The following CNTN5 variants were observed in gnomAD, a reference collection of about 807,000 sequenced individuals.
CNTN5 encodes contactin-5.
A neutral mutation model predicts 129.1 loss-of-function variants in CNTN5; 77 were observed. That is an observed-to-expected ratio of 0.60 (90% CI 0.50 to 0.72). The LOEUF (loss-of-function observed/expected upper bound fraction) is 0.72, where lower values mean the gene tolerates loss of function less well. Among genes scored for constraint, CNTN5 ranks in the 30% least tolerant of loss-of-function variants. CNTN5 has a pLI of 0.00. For synonymous variants in CNTN5, 509 were observed against 465.6 expected (o/e 1.09, Z -1.20); for missense variants, 1,478 against 1,328.8 (o/e 1.11, Z -1.75).
chr11:99,272,384 G>A (rs1341925490), intron 1 of CNTN5, among the ~76,000 whole-genome samples: 1 of 151,122 alleles, frequency 6.6e-6, no homozygotes, highest in Non-Finnish European at 1.5e-5. Context: ...GATAACAAAT[G>A]CAAACTTTTT....
intron 13 of CNTN5, among the ~76,000 whole-genome samples, chr11:100,141,018 G>GT (rs1236527728): frequency 6.6e-6 from 1 of 152,120 alleles, no homozygotes; most frequent in African/African-American, 2.4e-5. Flanking sequence ...GGGAAGTATT[G>GT]TCGGCAGGAA....
At chr11:99,782,013 A>G (rs947150383) in intron 3 of CNTN5, among the ~76,000 whole-genome samples, 3 of 151,028 alleles carry the variant, frequency 2.0e-5, no homozygotes, top group African/African-American at 4.9e-5. Context: ...AAGGTATTCA[A>G]TTAGGAAAAG....
rs1213958786 is a variant in CNTN5 at position 99,195,133 on chromosome 11, C to A, written c.-209-130213C>A. On this transcript the variant is annotated intron_variant, in intron 1 of 24. Coordinates refer to ENST00000524871, the MANE Select transcript of CNTN5 (RefSeq NM_014361.4). ...ATTAAAAAAACTTTTAAAAAGTAAT[C>A]TGAAGGATTATATTTTATTTATTTA... Among the ~76,000 whole-genome samples, 4 of 152,046 alleles carry A rather than the reference C, an allele frequency of 2.6e-5. No individual in the cohort carries two copies. The East Asian group carries it at 7.7e-4, about 29-fold the overall frequency.
intron 10 of CNTN5, among the ~76,000 whole-genome samples, chr11:100,064,548 A>C (rs1943618817): frequency 2.0e-5 from 3 of 152,146 alleles, no homozygotes; most frequent in South Asian, 4.1e-4. Flanking sequence ...GAAAAATTAA[A>C]ATACTAAGTT....
intron 13 of CNTN5, among the ~76,000 whole-genome samples, chr11:100,154,995 C>A (rs532992772): frequency 6.6e-6 from 1 of 152,176 alleles, no homozygotes; most frequent in South Asian, 2.1e-4. Flanking sequence ...ATGATAGTTT[C>A]TTTGGCTGTG....
At chr11:99,718,142 ATTAT>A (rs1433787612) in intron 3 of CNTN5, among the ~76,000 whole-genome samples, 4 of 151,976 alleles carry the variant, frequency 2.6e-5, no homozygotes, top group African/African-American at 7.2e-5. Context: ...ATCTTCAGGA[ATTAT>A]TTATTTCTTT....
At chr11:99,277,916 A>G (rs1269838750) in intron 1 of CNTN5, among the ~76,000 whole-genome samples, 2 of 151,706 alleles carry the variant, frequency 1.3e-5, no homozygotes, top group Non-Finnish European at 3.0e-5. Context: ...ACAATGCAGA[A>G]CTGGGTAAAT....
intron 1 of CNTN5, among the ~76,000 whole-genome samples, chr11:99,237,994 G>A (rs1425970418): frequency 6.6e-6 from 1 of 152,072 alleles, no homozygotes; most frequent in African/African-American, 2.4e-5. Flanking sequence ...ATAACAGAGC[G>A]CTATTGTAAA....
intron 9 of CNTN5, among the ~76,000 whole-genome samples, chr11:100,024,771 G>A (rs941986833): frequency 1.3e-5 from 2 of 152,188 alleles, no homozygotes; most frequent in African/African-American, 4.8e-5. Flanking sequence ...GTTTTAGAGT[G>A]TCTGGCAGAA....
intron 13 of CNTN5, among the ~76,000 whole-genome samples, chr11:100,081,513 T>C (rs1944363074): frequency 6.6e-6 from 1 of 152,176 alleles, no homozygotes; most frequent in Admixed American, 6.5e-5. Flanking sequence ...GGTAAGATGC[T>C]ATGTCCGTAT....
intron 21 of CNTN5, among the ~76,000 whole-genome samples, chr11:100,323,425 A>C (rs956500699): frequency 2.0e-5 from 3 of 152,248 alleles, no homozygotes; most frequent in African/African-American, 7.2e-5. Context: ...AATAAGCCAC[A>C]AACTCACAAT....
chr11:100,072,306 T>G (rs2137876697), intron 12 of CNTN5, among the ~76,000 whole-genome samples: 1 of 152,256 alleles, frequency 6.6e-6, no homozygotes, highest in Non-Finnish European at 1.5e-5. Flanking sequence ...GGGCATCAAC[T>G]AATACCTTCC....
chr11:100,332,291 T>C (rs189110756), intron 21 of CNTN5, among the ~76,000 whole-genome samples: 3 of 151,816 alleles, frequency 2.0e-5, no homozygotes, highest in Admixed American at 1.3e-4. Flanking sequence ...CCAAGAAATA[T>C]AGAACGTCTG....
chr11:99,683,076 T>A (rs937140599), intron 3 of CNTN5, among the ~76,000 whole-genome samples: 1 of 151,964 alleles, frequency 6.6e-6, no homozygotes, highest in Non-Finnish European at 1.5e-5. Context: ...TGATTTCATG[T>A]ATTGTAAATA....
At chr11:99,187,586 T>C (rs1267322000) in intron 1 of CNTN5, among the ~76,000 whole-genome samples, 1 of 151,914 alleles carries the variant, frequency 6.6e-6, no homozygotes, top group Non-Finnish European at 1.5e-5. Flanking sequence ...GATGAATATC[T>C]TGAGTTTTAC....
At chr11:99,255,239 T>TA (rs1389277178) in intron 1 of CNTN5, among the ~76,000 whole-genome samples, 1 of 151,874 alleles carries the variant, frequency 6.6e-6, no homozygotes, top group Non-Finnish European at 1.5e-5. Context: ...TGATTATTTT[T>TA]AAAATATATC....
chr11:99,811,894 G>T (rs1405736247), intron 3 of CNTN5, among the ~76,000 whole-genome samples: 1 of 152,118 alleles, frequency 6.6e-6, no homozygotes. Flanking sequence ...AGATTTAGCT[G>T]ACATCTTCAG....
intron 1 of CNTN5, among the ~76,000 whole-genome samples, chr11:99,064,823 C>G (rs1865035520): frequency 6.6e-6 from 1 of 151,958 alleles, no homozygotes; most frequent in African/African-American, 2.4e-5. Flanking sequence ...AAAACCAGTA[C>G]TTTGGAAGGG....
At chr11:99,718,889 T>A (rs1366010336) in intron 3 of CNTN5, among the ~76,000 whole-genome samples, 1 of 152,158 alleles carries the variant, frequency 6.6e-6, no homozygotes, top group African/African-American at 2.4e-5. Context: ...TTCTATCTAC[T>A]GTACTTTCAA....
Sources: gnomAD v4.1 joint callset for allele counts (sites outside exome capture counted in the v4.1 genomes callset) on GRCh38, gnomAD v4.1.1 for gene constraint, MANE v1.5 for transcripts, NCBI Gene and HGNC (gene_info 2026-07-23, HGNC 2026-07-21) for gene names.